The following NFATC3 variants were observed in gnomAD, a reference collection of about 807,000 sequenced individuals.
NFATC3 encodes nuclear factor of activated T-cells, cytoplasmic 3.
In NFATC3, 46 loss-of-function variants were observed where a neutral mutation model predicts 98.6. The ratio of observed to expected loss-of-function variants is 0.47; its 90% CI spans 0.37 to 0.60. NFATC3 has a LOEUF of 0.60. NFATC3 is among the 20% of genes least tolerant of loss of function. The pLI, the probability that NFATC3 is intolerant of heterozygous loss-of-function variation, is 0.00. For synonymous variants in NFATC3, 512 were observed against 472.2 expected (o/e 1.08, Z -1.09); for missense variants, 1,256 against 1,295.5 (o/e 0.97, Z 0.47).
At chr16:68,217,707 T>C (rs1033258640) in intron 9 of NFATC3, 80 of 1,231,480 alleles carry the variant, frequency 6.5e-5, no homozygotes, top group Non-Finnish European at 7.4e-5. Flanking sequence ...CTCTTTCTCC[T>C]TAGGTTTTGT....
At chr16:68,090,453 TA>T (rs1170907495) in intron 1 of NFATC3, among the ~76,000 whole-genome samples, 1 of 152,086 alleles carries the variant, frequency 6.6e-6, no homozygotes, top group African/African-American at 2.4e-5. Flanking sequence ...AGTAGCATTT[TA>T]AAAAGAAGAA....
At chr16:68,115,995 C>T (rs2036257662) in intron 1 of NFATC3, among the ~76,000 whole-genome samples, 1 of 152,070 alleles carries the variant, frequency 6.6e-6, no homozygotes, top group South Asian at 2.1e-4. Context: ...AACTTTGTCA[C>T]TGCAATTTGT....
At chr16:68,125,665 C>G (rs2036797676) in intron 2 of NFATC3, among the ~76,000 whole-genome samples, 1 of 151,938 alleles carries the variant, frequency 6.6e-6, no homozygotes, top group Non-Finnish European at 1.5e-5. Flanking sequence ...CATCCTGACA[C>G]AGAGAGAGAT....
At chr16:68,107,721 T>G (rs1242345918) in intron 1 of NFATC3, among the ~76,000 whole-genome samples, 1 of 151,552 alleles carries the variant, frequency 6.6e-6, no homozygotes, top group Non-Finnish European at 1.5e-5. Context: ...AGACACTGTA[T>G]CAAAAAAATA....
At chr16:68,138,401 A>T in intron 3 of NFATC3, 2 of 768,174 alleles carry the variant, frequency 2.6e-6, no homozygotes, top group South Asian at 1.8e-5. Flanking sequence ...TCCTTGGATT[A>T]ATCATGGTAG....
intron 3 of NFATC3, among the ~76,000 whole-genome samples, chr16:68,134,983 C>CTTTTT (rs138198329): frequency 2.7e-5 from 4 of 148,132 alleles, no homozygotes; most frequent in African/African-American, 9.9e-5. Flanking sequence ...GATACAGTCT[C>CTTTTT]TTTTTTTTTT....
At chr16:68,194,504 A>G (rs2040577869) in intron 9 of NFATC3, among the ~76,000 whole-genome samples, 1 of 152,216 alleles carries the variant, frequency 6.6e-6, no homozygotes, top group Admixed American at 6.5e-5. Flanking sequence ...TATGCAAAAC[A>G]GATTTGAAAT....
chr16:68,097,313 A>G (rs2035069841), intron 1 of NFATC3, among the ~76,000 whole-genome samples: 1 of 152,254 alleles, frequency 6.6e-6, no homozygotes, highest in Non-Finnish European at 1.5e-5. Flanking sequence ...TAATGTAACT[A>G]GTGTCATGAA....
intron 3 of NFATC3, among the ~76,000 whole-genome samples, chr16:68,134,370 C>T (rs1307765030): frequency 6.6e-6 from 1 of 152,044 alleles, no homozygotes. Flanking sequence ...GCTATGTTAC[C>T]CAGGCCCAGT....
intron 9 of NFATC3, among the ~76,000 whole-genome samples, chr16:68,211,018 G>C (rs2041364842): frequency 6.6e-6 from 1 of 151,730 alleles, no homozygotes; most frequent in Non-Finnish European, 1.5e-5. Context: ...TCCTGACCTC[G>C]TGATCCACCC....
intron 6 of NFATC3, among the ~76,000 whole-genome samples, chr16:68,175,040 GA>G (rs2039623742): frequency 6.6e-6 from 1 of 152,128 alleles, no homozygotes; most frequent in South Asian, 2.1e-4. Context: ...ACCAACTGAT[GA>G]ATGGATAAAC....
intron 3 of NFATC3, among the ~76,000 whole-genome samples, chr16:68,136,878 A>G (rs1333700367): frequency 6.6e-6 from 1 of 152,184 alleles, no homozygotes; most frequent in African/African-American, 2.4e-5. Context: ...AAAAACAACA[A>G]CAACAAAGAT....
chr16:68,222,382 A>G (rs2041906745), intron 9 of NFATC3, among the ~76,000 whole-genome samples: 1 of 151,504 alleles, frequency 6.6e-6, no homozygotes, highest in Admixed American at 6.6e-5. Context: ...ATGATAAAAC[A>G]CCATTTAAAA....
rs1232401701 is a variant in NFATC3, at chr16:68,191,786, C to T, written c.3106+11C>T. 2.5e-6 allele frequency: 4 copies of T among 1,613,836 alleles called. No individual in the cohort carries two copies. The East Asian group carries it at 6.7e-5, about 27-fold the overall frequency. On this transcript the variant is annotated intron_variant, in intron 9 of 9. Coordinates refer to ENST00000346183, the MANE Select transcript of NFATC3 (RefSeq NM_173165.3). Reference sequence around the variant, plus strand: ...TCACTTTAGATGATGGTAAGTTCATCTCTGATATGTTCTTGAAGTAGTGAA... The same window carrying T: ...TCACTTTAGATGATGGTAAGTTCATTTCTGATATGTTCTTGAAGTAGTGAA...
Position 68,191,003 on chromosome 16 carries a change from G to A in NFATC3, c.2334G>A (p.Gln778=), listed in dbSNP as rs762132357. 1.2e-6 allele frequency: 2 copies of A among 1,614,072 alleles called. No homozygotes were observed. The highest frequency in any genetic ancestry group is 1.7e-5 in the Admixed American group (1 of 59,996). The change falls in exon 9 of 10, where the codon CAG becomes CAA. Residue 778 remains glutamine, a synonymous_variant. Coordinates refer to ENST00000346183, the MANE Select transcript of NFATC3 (RefSeq NM_173165.3). ...GAGATGAGAGTGTTAGTAAAGAACA[G>A]CATATGATTCCTTCTCCAATTGTAC... ...QCRDESVSKE[Q]HMIPSPIVHQ... is the part of the protein sequence containing the mutation.
chr16:68,165,962 A>G (rs933163293), intron 4 of NFATC3, among the ~76,000 whole-genome samples: 5 of 152,242 alleles, frequency 3.3e-5, no homozygotes, highest in African/African-American at 1.2e-4. Flanking sequence ...AGTCATACTT[A>G]ATAATAAAGT....
At chr16:68,172,855 G>C (rs996920043) in intron 5 of NFATC3, among the ~76,000 whole-genome samples, 3 of 152,090 alleles carry the variant, frequency 2.0e-5, no homozygotes, top group African/African-American at 7.2e-5. Context: ...TGAAACTCAA[G>C]CAATTAAAAG....
Position 68,158,036 on chromosome 16 carries a change from T to C in NFATC3, c.1569T>C (p.Ile523=). The change falls in exon 4 of 10, where the codon ATT becomes ATC. Residue 523 remains isoleucine, a synonymous_variant. Coordinates refer to ENST00000346183, the MANE Select transcript of NFATC3 (RefSeq NM_173165.3). ...TTGCCAGTACAAAAGTTCTGGAAATTCCACTTCTTCCTGAAAATAATATGT... is the reference window on the plus strand; with the variant it reads ...TTGCCAGTACAAAAGTTCTGGAAATCCCACTTCTTCCTGAAAATAATATGT... ...IIIASTKVLE[I]PLLPENNMSA... The C allele has an allele frequency of 6.2e-7, 1 of 1,612,960 alleles. No individual in the cohort carries two copies. Among genetic ancestry groups the C allele is most frequent in the African/African-American group, 1.3e-5 (1 of 75,040 alleles).
chr16:68,108,735 T>C (rs1325068471), intron 1 of NFATC3, among the ~76,000 whole-genome samples: 2 of 152,214 alleles, frequency 1.3e-5, no homozygotes, highest in Non-Finnish European at 2.9e-5. Context: ...CATGTTTGTG[T>C]CCTCTCCGAT....
Sources: gnomAD v4.1 joint callset for allele counts (sites outside exome capture counted in the v4.1 genomes callset) on GRCh38, gnomAD v4.1.1 for gene constraint, MANE v1.5 for transcripts, NCBI Gene and HGNC (gene_info 2026-07-23, HGNC 2026-07-21) for gene names.